The following ATP2B4 variants were observed in gnomAD, a reference collection of about 807,000 sequenced individuals.
ATP2B4 encodes the protein ATPase plasma membrane Ca2+ transporting 4.
A neutral mutation model predicts 110.3 loss-of-function variants in ATP2B4; 39 were observed. That is an observed-to-expected ratio of 0.35 (90% CI 0.27 to 0.46). The LOEUF (loss-of-function observed/expected upper bound fraction) is 0.46, where lower values mean the gene tolerates loss of function less well. Among genes scored for constraint, ATP2B4 ranks in the 20% least tolerant of loss-of-function variants. ATP2B4 has a pLI of 1.00. For missense variants in ATP2B4, 1,135 were observed against 1,530.9 expected, an observed-to-expected ratio of 0.74 and a Z score of 4.32; for synonymous variants, 538 against 571.7, an observed-to-expected ratio of 0.94 and a Z score of 0.84.
intron 1 of ATP2B4, among the ~76,000 whole-genome samples, chr1:203,679,755 G>A (rs140450846): frequency 0.012 from 1,888 of 152,188 alleles, 44 homozygotes; most frequent in African/African-American, 0.043. Context: ...GGTGGCATGC[G>A]ACTGTAGTCT....
In ATP2B4 at chr1:203,683,390, C is replaced by G; in HGVS notation, c.185C>G (p.Pro62Arg). 2 of 1,609,992 alleles carry G rather than the reference C, an allele frequency of 1.2e-6. No homozygotes were observed. The highest frequency in any genetic ancestry group is 1.7e-6 in the Non-Finnish European group (2 of 1,177,448). The change falls in exon 2 of 21, where the codon CCT becomes CGT. Residue 62 changes from proline (P) to arginine (R), a missense_variant. Physicochemically the swap from Pro to Arg is moderately radical, Grantham distance 103. Around this residue, in one of 9 missense-constraint regions of ATP2B4, gnomAD observed 122 missense variants for 125.2 expected, o/e 0.97. Coordinates refer to ENST00000357681, the MANE Select transcript of ATP2B4 (RefSeq NM_001684.5). ...QNLCSRLKTS[P>R]VEGLSGNPAD... ...CTCTGCAGTAGACTGAAAACCTCCC[C>G]TGTGGAAGGTAAAGGCCATATCAGG...
intron 1 of ATP2B4, among the ~76,000 whole-genome samples, chr1:203,633,893 A>T (rs549436816): frequency 6.6e-6 from 1 of 152,112 alleles, no homozygotes; most frequent in Non-Finnish European, 1.5e-5. Flanking sequence ...TCTACTAAAA[A>T]TACAAAATTA....
chr1:203,721,542 C>A, intron 17 of ATP2B4, 132 bp downstream of exon 17: 1 of 852,722 alleles, frequency 1.2e-6, no homozygotes, highest in Non-Finnish European at 1.8e-6. Flanking sequence ...TGCTGTGCTC[C>A]CGCTACACGG....
chr1:203,679,798 C>T (rs1401787238), intron 1 of ATP2B4, among the ~76,000 whole-genome samples: 1 of 152,144 alleles, frequency 6.6e-6, no homozygotes, highest in African/African-American at 2.4e-5. Context: ...AGGAGAATCA[C>T]TTGAACCCAG....
At position 203,672,324 on chromosome 1, in the gene ATP2B4, CTTTTTTTTTTTTTTTTTTT is replaced by C. The variant is rs57144862; in HGVS notation, c.-464-10404_-464-10386del. Reference sequence around the variant, plus strand: ...TGTTCCTGAGTAAGTTGCGGTGGCTCTTTTTTTTTTTTTTTTTTTTTTTTTTTTTTTTAAAGCTGATTTA... The same window carrying C: ...TGTTCCTGAGTAAGTTGCGGTGGCTCTTTTTTTTTTTTTAAAGCTGATTTA... On this transcript the variant is annotated intron_variant, in intron 1 of 20. Coordinates refer to ENST00000357681, the MANE Select transcript of ATP2B4 (RefSeq NM_001684.5). Among the ~76,000 whole-genome samples, 11 of 79,614 alleles carry C rather than the reference CTTTTTTTTTTTTTTTTTTT, an allele frequency of 1.4e-4. 1 individual carries two copies. In the East Asian group the frequency reaches 0.013, roughly 95 times the overall value. 52.2% of individuals were successfully genotyped at this position (79,614 alleles called of 152,430 possible). A position where few individuals can be genotyped will look rare whatever the true frequency, so the allele number is the denominator to read the frequency against.
At chr1:203,664,377 C>CA (rs1475920334) in intron 1 of ATP2B4, among the ~76,000 whole-genome samples, 5 of 152,198 alleles carry the variant, frequency 3.3e-5, no homozygotes, top group Non-Finnish European at 7.3e-5. Context: ...GAGGCTCTGA[C>CA]AGAGGGGCAG....
intron 1 of ATP2B4, among the ~76,000 whole-genome samples, chr1:203,642,139 T>C (rs906288243): frequency 6.6e-6 from 1 of 152,178 alleles, no homozygotes; most frequent in African/African-American, 2.4e-5. Flanking sequence ...TGGAGTGTAA[T>C]GGTGTCATCA....
chr1:203,707,317 A>C, intron 9 of ATP2B4, 94 bp downstream of exon 9: 1 of 1,293,590 alleles, frequency 7.7e-7, no homozygotes, highest in Non-Finnish European at 1.1e-6. Flanking sequence ...CCATTCTATC[A>C]TCTATAAACT....
intron 19 of ATP2B4, among the ~76,000 whole-genome samples, chr1:203,724,195 C>A (rs373019608): frequency 1.3e-5 from 2 of 152,028 alleles, no homozygotes; most frequent in South Asian, 4.1e-4. Flanking sequence ...TTTCAGAATT[C>A]TTCTCTAACT....
intron 13 of ATP2B4, among the ~76,000 whole-genome samples, chr1:203,712,939 A>T (rs1401477730): frequency 6.6e-6 from 1 of 152,078 alleles, no homozygotes; most frequent in Non-Finnish European, 1.5e-5. Context: ...CCAGGTAGGG[A>T]CTTGGGAGGA....
rs1375004141 is a variant in ATP2B4, at chr1:203,724,002, C to T, written c.3132+14C>T. ...CTGTGGGGCCAGGTGAGTACCGGCA[C>T]ACCCTCCTGGTGCATTCTCACAGCC... On this transcript the variant is annotated intron_variant, in intron 19 of 20. Coordinates refer to ENST00000357681, the MANE Select transcript of ATP2B4 (RefSeq NM_001684.5). 1.9e-6 allele frequency: 3 copies of T among 1,599,470 alleles called. No homozygotes were observed. The highest frequency in any genetic ancestry group is 2.6e-6 in the Non-Finnish European group (3 of 1,171,522).
intron 20 of ATP2B4, chr1:203,728,122 A>C: frequency 2.3e-6 from 1 of 442,160 alleles, no homozygotes; most frequent in Non-Finnish European, 4.7e-6. Flanking sequence ...TTCATGTGTA[A>C]AAATGACAAT....
intron 20 of ATP2B4, chr1:203,729,629 G>C (rs1666636344): frequency 2.2e-6 from 2 of 916,986 alleles, no homozygotes; most frequent in African/African-American, 1.7e-5. Context: ...TGCTTTTTCT[G>C]TCTGCCAGAG....
chr1:203,661,609 A>G (rs1245678404), intron 1 of ATP2B4, among the ~76,000 whole-genome samples: 1 of 151,980 alleles, frequency 6.6e-6, no homozygotes, highest in African/African-American at 2.4e-5. Flanking sequence ...TGATTTGTCT[A>G]CCCTATGCCC....
At chr1:203,652,536 T>G (rs1664030558) in intron 1 of ATP2B4, among the ~76,000 whole-genome samples, 1 of 152,242 alleles carries the variant, frequency 6.6e-6, no homozygotes, top group Non-Finnish European at 1.5e-5. Context: ...GCCTTTTTAT[T>G]TTATTATTAA....
intron 20 of ATP2B4, among the ~76,000 whole-genome samples, chr1:203,732,720 A>G (rs1271690682): frequency 2.0e-5 from 3 of 151,908 alleles, no homozygotes; most frequent in African/African-American, 7.3e-5. Context: ...TATTTTTAAG[A>G]GTACAGGTAA....
Position 203,724,865 on chromosome 1 carries a change from C to CTCTTTTT in ATP2B4, c.3132+878_3132+879insCTTTTTT, listed in dbSNP as rs1214526316. ...ACTGCCTGGGTTTGAATCCAGCTCT[C>CTCTTTTT]TGTTTTTTTTTTTTTTTTTTTTTTT... On this transcript the variant is annotated intron_variant, in intron 19 of 20. Coordinates refer to ENST00000357681, the MANE Select transcript of ATP2B4 (RefSeq NM_001684.5). Among the ~76,000 whole-genome samples the CTCTTTTT allele has an allele frequency of 1.4e-3, 140 of 101,470 alleles. 9 individuals are homozygous for CTCTTTTT. Among genetic ancestry groups the CTCTTTTT allele is most frequent in the South Asian group, 2.1e-3 (6 of 2,876 alleles). 66.6% of individuals were successfully genotyped at this position (101,470 alleles called of 152,430 possible).
chr1:203,724,862 TCTC>T (rs1666455536), intron 19 of ATP2B4, among the ~76,000 whole-genome samples: 1 of 107,786 alleles, frequency 9.3e-6, no homozygotes, highest in Non-Finnish European at 1.9e-5. Flanking sequence ...TGAATCCAGC[TCTC>T]TGTTTTTTTT....
At chr1:203,647,418 A>C (rs767891708) in intron 1 of ATP2B4, among the ~76,000 whole-genome samples, 1 of 142,216 alleles carries the variant, frequency 7.0e-6, no homozygotes, top group Non-Finnish European at 1.5e-5. Context: ...CCTCGGCAAT[A>C]GAGCAAGAAC....
Sources: gnomAD v4.1 joint callset for allele counts (sites outside exome capture counted in the v4.1 genomes callset) on GRCh38, gnomAD v4.1.1 for gene constraint, gnomAD v4.1.1 regional missense constraint, MANE v1.5 for transcripts, NCBI Gene and HGNC (gene_info 2026-07-23, HGNC 2026-07-21) for gene names.